The following MDGA2 variants were observed in gnomAD, a reference collection of about 807,000 sequenced individuals.
The protein encoded by MDGA2 is MAM domain containing glycosylphosphatidylinositol anchor 2, also known as MAM domain-containing glycosylphosphatidylinositol anchor protein 2.
MDGA2 carries 40 observed loss-of-function variants against 117.8 expected under a neutral mutation model. The observed-to-expected ratio is 0.34, with a 90% CI of 0.26 to 0.44. The LOEUF (loss-of-function observed/expected upper bound fraction) is 0.44. Among genes scored for constraint, MDGA2 ranks in the 20% least tolerant of loss-of-function variants. The pLI is 1.00. For missense variants in MDGA2, 1,123 were observed against 1,250.6 expected (o/e 0.90, Z 1.54); for synonymous variants, 452 against 439.0 (o/e 1.03, Z -0.37).
intron 1 of MDGA2, among the ~76,000 whole-genome samples, chr14:47,495,349 A>C (rs562278816): frequency 4.2e-4 from 64 of 152,224 alleles, no homozygotes; most frequent in Non-Finnish European, 8.4e-4. Context: ...TGTGAAGTTC[A>C]GATTTTACCA....
At chr14:47,365,501 C>T (rs865885674) in intron 1 of MDGA2, among the ~76,000 whole-genome samples, 10 of 152,242 alleles carry the variant, frequency 6.6e-5, no homozygotes, top group African/African-American at 9.6e-5. Flanking sequence ...TCAGTGGCCA[C>T]GAGCAGTACT....
intron 7 of MDGA2, among the ~76,000 whole-genome samples, chr14:47,039,197 CTT>C (rs1888973274): frequency 6.6e-6 from 1 of 152,124 alleles, no homozygotes; most frequent in Non-Finnish European, 1.5e-5. Flanking sequence ...CAAATTATAA[CTT>C]TATTCCAATG....
intron 4 of MDGA2, among the ~76,000 whole-genome samples, chr14:47,132,523 C>A (rs1002385957): frequency 1.3e-5 from 2 of 151,772 alleles, no homozygotes; most frequent in Admixed American, 6.6e-5. Context: ...GCAAATCAAG[C>A]AAGTGGCCAG....
At chr14:47,349,200 T>C (rs1890825632) in intron 1 of MDGA2, among the ~76,000 whole-genome samples, 1 of 152,172 alleles carries the variant, frequency 6.6e-6, no homozygotes, top group Non-Finnish European at 1.5e-5. Context: ...CAAGTGCTAA[T>C]AGAAAAGGTC....
chr14:47,487,290 A>G (rs1398806482), intron 1 of MDGA2, among the ~76,000 whole-genome samples: 1 of 152,224 alleles, frequency 6.6e-6, no homozygotes, highest in Non-Finnish European at 1.5e-5. Flanking sequence ...CAATCAGATA[A>G]AAAACTAGAA....
At chr14:47,401,385 A>G (rs1242154969) in intron 1 of MDGA2, among the ~76,000 whole-genome samples, 1 of 152,146 alleles carries the variant, frequency 6.6e-6, no homozygotes, top group East Asian at 1.9e-4. Context: ...GAGCTATTAC[A>G]TGGGAAATAA....
In MDGA2 at chr14:47,647,169, A is replaced by T. The variant is rs114912087; in HGVS notation, c.280+27348T>A. Among the ~76,000 whole-genome samples, 1,014 of 152,314 alleles carry T rather than the reference A, an allele frequency of 6.7e-3. 15 individuals carry two copies. Among genetic ancestry groups the T allele is most frequent in the African/African-American group, 0.023 (964 of 41,578 alleles). Reference sequence around the variant, plus strand: ...GTGTCATGCAGATTAAGTCAGGAAGATTAAAAATACTCTAAGATTTTAATT... The same window carrying T: ...GTGTCATGCAGATTAAGTCAGGAAGTTTAAAAATACTCTAAGATTTTAATT... On this transcript the variant is annotated intron_variant, in intron 1 of 16. Coordinates refer to ENST00000399232, the MANE Select transcript of MDGA2 (RefSeq NM_001113498.3).
At chr14:47,373,283 T>G (rs1425358596) in intron 1 of MDGA2, among the ~76,000 whole-genome samples, 1 of 152,020 alleles carries the variant, frequency 6.6e-6, no homozygotes, top group Non-Finnish European at 1.5e-5. Flanking sequence ...ATAAAGTATA[T>G]AAATCCCAAT....
chr14:47,390,467 A>G lies in MDGA2; in HGVS notation c.281-88917T>C, dbSNP rs1192447314. 5.9e-5 allele frequency among the ~76,000 whole-genome samples: 9 copies of G among 152,268 alleles called. No homozygotes were observed. In the East Asian group the frequency reaches 1.5e-3, roughly 26 times the overall value. On this transcript the variant is annotated intron_variant, in intron 1 of 16. Transcript: ENST00000399232. ...AGATACTATCGTTTTTCCTTTGGAT[A>G]AAGCCAACTAGCTAATATGACAATA...
intron 10 of MDGA2, among the ~76,000 whole-genome samples, chr14:46,899,100 T>C (rs1376253796): frequency 6.6e-6 from 1 of 151,938 alleles, no homozygotes; most frequent in Non-Finnish European, 1.5e-5. Context: ...GCATATGATA[T>C]TTTACTTTTT....
chr14:47,593,716 G>C (rs951759208), intron 1 of MDGA2, among the ~76,000 whole-genome samples: 11 of 151,986 alleles, frequency 7.2e-5, no homozygotes, highest in African/African-American at 2.7e-4. Context: ...ACACACACTA[G>C]GGCCTGTTGG....
At chr14:47,042,934 A>G (rs1889129887) in intron 7 of MDGA2, among the ~76,000 whole-genome samples, 1 of 152,152 alleles carries the variant, frequency 6.6e-6, no homozygotes, top group Non-Finnish European at 1.5e-5. Flanking sequence ...ACTAAGATTT[A>G]GAAGAATTGC....
intron 7 of MDGA2, among the ~76,000 whole-genome samples, chr14:47,041,087 CAATTA>C (rs1889049440): frequency 6.6e-6 from 1 of 152,104 alleles, no homozygotes; most frequent in South Asian, 2.1e-4. Context: ...AGTAATTCTA[CAATTA>C]GTAGCTCCTA....
intron 1 of MDGA2, among the ~76,000 whole-genome samples, chr14:47,529,800 T>C (rs1445630635): frequency 6.6e-6 from 1 of 152,190 alleles, no homozygotes; most frequent in African/African-American, 2.4e-5. Context: ...ATGTCACAGT[T>C]AGAAACTTTC....
intron 1 of MDGA2, among the ~76,000 whole-genome samples, chr14:47,375,623 T>C (rs146612607): frequency 1.8e-4 from 28 of 152,220 alleles, no homozygotes; most frequent in African/African-American, 6.3e-4. Flanking sequence ...AACCATCTAA[T>C]GACATCTTAC....
intron 6 of MDGA2, among the ~76,000 whole-genome samples, chr14:47,090,912 T>C (rs1325043385): frequency 1.1e-4 from 17 of 152,172 alleles, no homozygotes; most frequent in Admixed American, 1.1e-3. Flanking sequence ...TGAAGATTAC[T>C]GCAGACCTAG....
At chr14:47,263,565 A>C (rs1333589958) in intron 2 of MDGA2, among the ~76,000 whole-genome samples, 2 of 152,020 alleles carry the variant, frequency 1.3e-5, no homozygotes, top group East Asian at 3.9e-4. Context: ...GATGTTCTTT[A>C]TTTTCTGACC....
At chr14:47,239,879 A>AT (rs897161519) in intron 2 of MDGA2, among the ~76,000 whole-genome samples, 3 of 151,450 alleles carry the variant, frequency 2.0e-5, no homozygotes, top group African/African-American at 7.3e-5. Context: ...TTAGGCATAC[A>AT]TTTTTTTCCC....
chr14:47,206,659 G>A (rs1430254607), intron 3 of MDGA2, among the ~76,000 whole-genome samples: 1 of 152,010 alleles, frequency 6.6e-6, no homozygotes, highest in Non-Finnish European at 1.5e-5. Flanking sequence ...GGACGTGGAA[G>A]CTGGAGGATT....
Sources: gnomAD v4.1 joint callset for allele counts (sites outside exome capture counted in the v4.1 genomes callset) on GRCh38, gnomAD v4.1.1 for gene constraint, MANE v1.5 for transcripts, NCBI Gene and HGNC (gene_info 2026-07-23, HGNC 2026-07-21) for gene names.